The following SND1 variants were observed in gnomAD, a reference collection of about 807,000 sequenced individuals.
SND1 encodes the protein staphylococcal nuclease and tudor domain containing 1, also known as staphylococcal nuclease domain-containing protein 1.
Under a neutral mutation model 121.7 loss-of-function variants are expected in SND1, and 38 were observed. That is an observed-to-expected ratio of 0.31 (90% CI 0.24 to 0.41). The LOEUF is 0.41. SND1 is among the 10% of genes least tolerant of loss of function. The pLI is 1.00. For synonymous variants in SND1, 401 were observed against 447.4 expected (o/e 0.90, Z 1.31); for missense variants, 868 against 1,184.6 (o/e 0.73, Z 3.92).
chr7:127,786,809 A>G (rs1254141067), intron 10 of SND1, among the ~76,000 whole-genome samples: 2 of 151,820 alleles, frequency 1.3e-5, no homozygotes, highest in Non-Finnish European at 2.9e-5. Flanking sequence ...ATGCCCGGCT[A>G]ATTTTTGTAT....
intron 15 of SND1, among the ~76,000 whole-genome samples, chr7:127,971,674 A>G (rs1801990786): frequency 6.6e-6 from 1 of 152,220 alleles, no homozygotes; most frequent in Non-Finnish European, 1.5e-5. Flanking sequence ...TATCAGAAGC[A>G]ATGAAAGATA....
intron 16 of SND1, chr7:128,042,199 C>A (rs573722995): frequency 6.6e-6 from 1 of 152,358 alleles, no homozygotes; most frequent in Non-Finnish European, 1.5e-5. Flanking sequence ...TGAAAGGATG[C>A]TTTGTGTGAG....
intron 14 of SND1, among the ~76,000 whole-genome samples, chr7:127,908,364 G>T (rs1377827825): frequency 6.7e-6 from 1 of 149,644 alleles, no homozygotes; most frequent in Non-Finnish European, 1.5e-5. Flanking sequence ...GTGTGTGCGT[G>T]CGTGTTGACC....
intron 10 of SND1, among the ~76,000 whole-genome samples, chr7:127,764,056 A>AAAAAAAAAAAAAAC (rs1554422863): frequency 1.0e-4 from 14 of 135,214 alleles, no homozygotes; most frequent in Admixed American, 1.6e-4. Flanking sequence ...AAAAAAACAA[A>AAAAAAAAAAAAAAC]AAAACAAAAA....
At chr7:127,988,852 A>T (rs1164935468) in intron 15 of SND1, among the ~76,000 whole-genome samples, 1 of 152,234 alleles carries the variant, frequency 6.6e-6, no homozygotes, top group Non-Finnish European at 1.5e-5. Context: ...AATGGCTGCT[A>T]AGAGTCAGAA....
intron 14 of SND1, among the ~76,000 whole-genome samples, chr7:127,916,946 C>T (rs984041517): frequency 5.3e-5 from 8 of 152,144 alleles, no homozygotes; most frequent in Non-Finnish European, 8.8e-5. Flanking sequence ...ATAATGATGG[C>T]GTCTATGTAG....
At chr7:127,960,347 A>G (rs1215063775) in intron 15 of SND1, among the ~76,000 whole-genome samples, 1 of 152,218 alleles carries the variant, frequency 6.6e-6, no homozygotes, top group Non-Finnish European at 1.5e-5. Context: ...CATTAGCAGC[A>G]CACCGTCCCA....
At chr7:127,773,914 A>G (rs1797565843) in intron 10 of SND1, among the ~76,000 whole-genome samples, 1 of 152,218 alleles carries the variant, frequency 6.6e-6, no homozygotes, top group Non-Finnish European at 1.5e-5. Context: ...TAGCCTTTGT[A>G]ACATCATAGC....
At chr7:128,072,926 C>T (rs1793437587) in intron 16 of SND1, among the ~76,000 whole-genome samples, 1 of 152,194 alleles carries the variant, frequency 6.6e-6, no homozygotes. Context: ...GGTTTTAACA[C>T]CCACAGACAC....
chr7:127,928,648 G>A (rs1158893069), intron 14 of SND1, among the ~76,000 whole-genome samples: 1 of 151,800 alleles, frequency 6.6e-6, no homozygotes, highest in African/African-American at 2.4e-5. Context: ...AGTGCAAATG[G>A]CACGATTTCA....
At chr7:127,857,183 CTTTTTTTTTTTTTTT>C (rs71522259) in intron 12 of SND1, among the ~76,000 whole-genome samples, 1 of 67,992 alleles carries the variant, frequency 1.5e-5, no homozygotes, top group East Asian at 2.8e-4. Flanking sequence ...AATGTCAACA[CTTTTTTTTTTTTTTT>C]TTTTTTTTTT....
chr7:127,945,407 C>T lies in SND1; in HGVS notation c.1669+16078C>T, dbSNP rs528553035. Among the ~76,000 whole-genome samples the T allele has an allele frequency of 5.9e-5, 9 of 152,124 alleles. No individual in the cohort carries two copies. In the South Asian group the frequency reaches 1.5e-3, roughly 25 times the overall value. On this transcript the variant is annotated intron_variant, in intron 15 of 23. Coordinates refer to ENST00000354725, the MANE Select transcript of SND1 (RefSeq NM_014390.4). ...TTGGTAGGCTGAGGCAGGAGAATGG[C>T]GTGAACCCAGGAGGCGGAGCTTGCA...
At chr7:127,683,947 A>T (rs1320041357) in intron 1 of SND1, among the ~76,000 whole-genome samples, 1 of 152,246 alleles carries the variant, frequency 6.6e-6, no homozygotes, top group Non-Finnish European at 1.5e-5. Flanking sequence ...GAGAGGGCAT[A>T]CAAAGGAGTT....
chr7:127,877,986 C>T (rs1433474225), intron 12 of SND1, among the ~76,000 whole-genome samples: 4 of 152,098 alleles, frequency 2.6e-5, no homozygotes, highest in Non-Finnish European at 5.9e-5. Flanking sequence ...TCTCTCTCCT[C>T]CTTCTTCTCT....
intron 10 of SND1, among the ~76,000 whole-genome samples, chr7:127,781,083 A>G (rs994262990): frequency 2.6e-5 from 4 of 152,214 alleles, no homozygotes; most frequent in African/African-American, 9.7e-5. Context: ...TTTCTGCTCA[A>G]TGTGAAGAAA....
At chr7:128,030,368 C>A in intron 16 of SND1, 1 of 1,613,924 alleles carries the variant, frequency 6.2e-7, no homozygotes, top group Non-Finnish European at 8.5e-7. Context: ...AGGTGTCGGC[C>A]TGGATCATCT....
At chr7:127,939,506 G>T (rs1395226093) in intron 15 of SND1, among the ~76,000 whole-genome samples, 2 of 152,164 alleles carry the variant, frequency 1.3e-5, no homozygotes, top group East Asian at 3.8e-4. Context: ...ACTTAAAGAT[G>T]AATTCTTGCC....
chr7:127,873,290 T>C (rs1462990264), intron 12 of SND1, among the ~76,000 whole-genome samples: 1 of 152,092 alleles, frequency 6.6e-6, no homozygotes, highest in Non-Finnish European at 1.5e-5. Flanking sequence ...CAGCTAGTGG[T>C]GAGGTGACAG....
intron 16 of SND1, chr7:128,031,061 A>AGGGGG (rs1792578257): frequency 4.9e-5 from 1 of 20,602 alleles, no homozygotes; most frequent in African/African-American, 1.7e-4. Flanking sequence ...AGGGGAGGGG[A>AGGGGG]GGGGAGGGAA....
Sources: allele counts gnomAD v4.1 joint callset (sites outside exome capture counted in the v4.1 genomes callset), GRCh38; gene constraint gnomAD v4.1.1; transcripts MANE v1.5; gene names NCBI Gene and HGNC (gene_info 2026-07-23, HGNC 2026-07-21).